The following DNAH2 variants were observed in gnomAD, a reference collection of about 807,000 sequenced individuals.
DNAH2 encodes dynein axonemal heavy chain 2.
DNAH2 carries 323 observed loss-of-function variants against 523.5 expected under a neutral mutation model. The ratio of observed to expected loss-of-function variants is 0.62; its 90% confidence interval spans 0.56 to 0.68. The LOEUF (loss-of-function observed/expected upper bound fraction) is 0.68. Ranked by LOEUF, DNAH2 falls within the 30% of genes least tolerant of loss-of-function variation. The pLI is 0.00. For synonymous variants in DNAH2, 2,093 were observed against 2,177.4 expected, an observed-to-expected ratio of 0.96 and a Z score of 1.08; for missense variants, 4,907 against 5,701.5, an observed-to-expected ratio of 0.86 and a Z score of 4.49.
intron 9 of DNAH2, 36 bp from the exon 10 acceptor site, chr17:7,740,384 G>A: frequency 6.2e-7 from 1 of 1,611,558 alleles, no homozygotes; most frequent in Non-Finnish European, 8.5e-7. Flanking sequence ...GGCAGGCGAG[G>A]GCACTCAGCT....
At chr17:7,736,382 G>T (rs921409605) in intron 7 of DNAH2, among the ~76,000 whole-genome samples, 5 of 152,314 alleles carry the variant, frequency 3.3e-5, no homozygotes, top group African/African-American at 1.2e-4. Flanking sequence ...AAAGGGAACT[G>T]GGTGACAACT....
At chr17:7,823,713 C>T (rs1183142352) in intron 74 of DNAH2, 85 bp downstream of exon 74, 5 of 1,579,830 alleles carry the variant, frequency 3.2e-6, no homozygotes, top group Non-Finnish European at 4.3e-6. Context: ...CCTCCATCCC[C>T]TCTCCCAGCT....
chr17:7,819,818 A>T (rs1215145126), intron 72 of DNAH2, among the ~76,000 whole-genome samples: 1 of 152,040 alleles, frequency 6.6e-6, no homozygotes. Context: ...AAGGAACTGG[A>T]CTTCTCTACC....
chr17:7,827,117 T>C (rs1426469957), intron 77 of DNAH2, among the ~76,000 whole-genome samples: 5 of 152,154 alleles, frequency 3.3e-5, no homozygotes, highest in African/African-American at 1.2e-4. Context: ...TCATTCATGA[T>C]GTTCTTCGCG....
At chr17:7,751,951 G>A (rs1000364578) in intron 12 of DNAH2, among the ~76,000 whole-genome samples, 20 of 150,542 alleles carry the variant, frequency 1.3e-4, no homozygotes, top group Admixed American at 6.6e-5. Flanking sequence ...GTGTGTGCGT[G>A]TTTTGAGACT....
intron 76 of DNAH2, 32 bp from the exon 77 acceptor site, chr17:7,824,505 T>A (rs929823213): frequency 1.3e-5 from 19 of 1,486,890 alleles, no homozygotes; most frequent in Non-Finnish European, 1.6e-5. Context: ...GCTTAGGAAA[T>A]GATTCCCACT....
chr17:7,739,263 G>A (rs957208631), intron 8 of DNAH2, among the ~76,000 whole-genome samples: 74 of 152,084 alleles, frequency 4.9e-4, no homozygotes, highest in African/African-American at 1.8e-3. Flanking sequence ...AAAATTAGCC[G>A]GGCCTGGTGG....
intron 63 of DNAH2, 100 bp from the exon 64 acceptor site, chr17:7,816,471 C>G (rs2077668801): frequency 7.2e-7 from 1 of 1,383,898 alleles, no homozygotes; most frequent in Non-Finnish European, 1.0e-6. Flanking sequence ...TTTAACAAAG[C>G]TACAAAATGG....
rs750130473 is a variant in DNAH2, at chr17:7,733,157, C to G, written c.470C>G (p.Thr157Ser). 5.6e-6 allele frequency: 9 copies of G among 1,614,108 alleles called. No homozygotes were observed. The highest frequency in any genetic ancestry group is 7.6e-6 in the Non-Finnish European group (9 of 1,180,052). Residue 157 changes from threonine (T) to serine (S), a missense_variant, in exon 5 of 86, where the codon ACT (threonine) becomes AGT (serine). This residue lies in a region of DNAH2 where 2,806 missense variants were observed against 3,190.8 expected (regional missense o/e 0.88). Coordinates refer to ENST00000572933, the MANE Select transcript of DNAH2 (RefSeq NM_020877.5). ...ATCACCTGGGAGAACTTCGAGGCAACTGTGCAGTTTGGGACGGTGCGGGGC... is the reference window on the plus strand; with the variant it reads ...ATCACCTGGGAGAACTTCGAGGCAAGTGTGCAGTTTGGGACGGTGCGGGGC... ...VPITWENFEA[T>S]VQFGTVRGPY...
At position 7,777,610 on chromosome 17, in the gene DNAH2, C is replaced by A; in HGVS notation, c.5223C>A (p.Ser1741Arg). The change falls in exon 33 of 86, where the codon AGC (serine) becomes AGA (arginine). Residue 1741 changes from serine (S) to arginine (R), a missense_variant. Ser to Arg is a moderately radical substitution (Grantham distance 110). Around this residue, in one of 3 missense-constraint regions of DNAH2, gnomAD observed 2,806 missense variants for 3,190.8 expected, o/e 0.88. Transcript: ENST00000572933. ...ATGTCAATTCCTTTGACTGGCTCAG[C>A]CAACTTCGGTTCTACTGGGAGAAGG... ...LMDVNSFDWL[S>R]QLRFYWEKDL... 1.9e-6 allele frequency: 3 copies of A among 1,614,154 alleles called. No individual in the cohort carries two copies. Among genetic ancestry groups the A allele is most frequent in the Non-Finnish European group, 1.7e-6 (2 of 1,180,028 alleles).
chr17:7,794,286 TG>T lies in DNAH2; in HGVS notation c.7607del (p.Gly2536ValfsTer19). Reference protein sequence around the residue: ...MFLMAAMGPPGGGRTVISPRL... With the variant: ...MFLMAAMGPPXGGRTVISPRL... ...TCCTGATGGCTGCCATGGGCCCCCC[TG>T]GGGGTGGACGGACTGTCATCTCCCC... is the stretch of plus-strand genomic sequence containing the variant. On this transcript the variant is annotated frameshift_variant, in exon 49 of 86. Transcript: ENST00000572933. LOFTEE classifies it high-confidence loss of function. 6.2e-7 allele frequency: 1 copy of T among 1,609,798 alleles called. No individual in the cohort carries two copies. The highest frequency in any genetic ancestry group is 8.5e-7 in the Non-Finnish European group (1 of 1,178,132).
chr17:7,797,905 C>T, intron 53 of DNAH2, 76 bp downstream of exon 53: 1 of 1,515,310 alleles, frequency 6.6e-7, no homozygotes, highest in Middle Eastern at 2.5e-4. Context: ...GGGGTCCCTT[C>T]CCAGGTCTCC....
At position 7,818,128 on chromosome 17, in the gene DNAH2, G is replaced by T. The variant is rs202037878; in HGVS notation, c.10387+32G>T. The T allele has an allele frequency of 1.9e-5, 30 of 1,608,178 alleles. No individual in the cohort carries two copies. In the Admixed American group the frequency reaches 4.8e-4, roughly 26 times the overall value. The stretch of plus-strand genomic sequence containing the variant: ...ACAAGTCCCCAAGACCAGCCAAGTG[G>T]GATGCTAGGGAGGGAAGGGCTGGCT... On this transcript the variant is annotated intron_variant, in intron 68 of 85. Coordinates refer to ENST00000572933, the MANE Select transcript of DNAH2 (RefSeq NM_020877.5).
At chr17:7,801,226 G>A (rs1022369862) in intron 56 of DNAH2, among the ~76,000 whole-genome samples, 4 of 152,038 alleles carry the variant, frequency 2.6e-5, no homozygotes, top group Non-Finnish European at 4.4e-5. Flanking sequence ...ATAGCCAGGC[G>A]CTACGCTGAG....
chr17:7,801,259 T>C (rs528113025), intron 56 of DNAH2, among the ~76,000 whole-genome samples: 66 of 152,260 alleles, frequency 4.3e-4, no homozygotes, highest in Non-Finnish European at 7.8e-4. Context: ...GACACCTCAC[T>C]GAATCCCCCA....
At position 7,796,547 on chromosome 17, in the gene DNAH2, C is replaced by T. The variant is rs150114403; in HGVS notation, c.7758C>T (p.Asn2586=). Residue 2586 remains asparagine, a synonymous_variant, in exon 50 of 86, where the codon AAC becomes AAT. Transcript: ENST00000572933. The stretch of plus-strand genomic sequence containing the variant: ...AGGAAGAGGTGAAGCCCATTGGGAA[C>T]GTGGTGACAGAGGCCACCCTGGACA... The part of the protein sequence containing the change: ...DFEEEVKPIG[N]VVTEATLDMY... The T allele has an allele frequency of 5.4e-3, 8,701 of 1,613,606 alleles. 29 individuals carry two copies. The highest frequency in any genetic ancestry group is 9.6e-3 in the Middle Eastern group (58 of 6,062).
chr17:7,820,942 C>T (rs960683211), intron 72 of DNAH2, among the ~76,000 whole-genome samples: 3 of 152,018 alleles, frequency 2.0e-5, no homozygotes, highest in South Asian at 4.2e-4. Context: ...GGGAGCCTGA[C>T]GCAGGAGAAT....
chr17:7,768,193 T>C lies in DNAH2; in HGVS notation c.3867T>C (p.Thr1289=). ...KDRNWEIIET[T]RSKIEQFKRT... is the part of the protein sequence containing the mutation. ...GAAACTGGGAAATTATTGAAACCAC[T>C]CGCTCAAAAATAGAGCAGTTCAAGA... Residue 1289 remains threonine, a synonymous_variant, in exon 24 of 86, where the codon ACT becomes ACC. Transcript: ENST00000572933. 6.2e-7 allele frequency: 1 copy of C among 1,614,144 alleles called. No homozygotes were observed. The highest frequency in any genetic ancestry group is 8.5e-7 in the Non-Finnish European group (1 of 1,180,016).
Position 7,832,777 on chromosome 17 carries a change from A to AG in DNAH2, c.12903+29dup, listed in dbSNP as rs745505642. On this transcript the variant is annotated intron_variant, in intron 83 of 85. Transcript: ENST00000572933. This position sits in a 1 kb window ranked among gnomAD's most constrained non-coding sequence, Gnocchi z 4.3. ...CAACGTGAGCAATGTGCAAAGTGTG[A>AG]GGGGGGGATGTATGCTGGGGCCATG... 14 of 1,613,834 alleles carry AG rather than the reference A, an allele frequency of 8.7e-6. No homozygotes were observed. The highest frequency in any genetic ancestry group is 1.7e-5 in the Admixed American group (1 of 59,978).
Sources: gnomAD v4.1 joint callset for allele counts (sites outside exome capture counted in the v4.1 genomes callset) on GRCh38, gnomAD v4.1.1 for gene constraint, gnomAD v4.1.1 regional missense constraint, Gnocchi (gnomAD v3.1) non-coding constraint, MANE v1.5 for transcripts, NCBI Gene and HGNC (gene_info 2026-07-23, HGNC 2026-07-21) for gene names.